The following TMEM161A variants were observed in gnomAD, a reference collection of about 807,000 sequenced individuals.
TMEM161A encodes transmembrane protein 161A.
A neutral mutation model predicts 57.1 loss-of-function variants in TMEM161A; 46 were observed. The ratio of observed to expected loss-of-function variants is 0.81; its 90% CI spans 0.64 to 1.03. TMEM161A has a LOEUF of 1.03. Ranked by LOEUF, TMEM161A falls within the 50% of genes least tolerant of loss-of-function variation. The pLI is 0.00. For synonymous variants in TMEM161A, 288 were observed against 279.0 expected, an observed-to-expected ratio of 1.03 and a Z score of -0.32; for missense variants, 601 against 621.5, an observed-to-expected ratio of 0.97 and a Z score of 0.35.
intron 1 of TMEM161A, among the ~76,000 whole-genome samples, chr19:19,138,107 T>C (rs927333060): frequency 1.3e-5 from 2 of 152,178 alleles, no homozygotes; most frequent in Non-Finnish European, 2.9e-5. Context: ...CCAAATGTGC[T>C]GGGGTCCCCA....
chr19:19,121,564 CG>C lies in TMEM161A; in HGVS notation c.760del (p.Arg254GlyfsTer4). On this transcript the variant is annotated frameshift_variant, in exon 8 of 12. Coordinates refer to ENST00000162044, the MANE Select transcript of TMEM161A (RefSeq NM_017814.3). LOFTEE classifies it high-confidence loss of function. This position sits in a 1 kb window ranked among gnomAD's most constrained non-coding sequence, Gnocchi z 5.8. ...GTCCTCCGACATGGTCAGTGCGTCCCGGTGGGTCTGGGCCAGCCGCAGGCCT... is the reference window on the plus strand; with the variant it reads ...GTCCTCCGACATGGTCAGTGCGTCCCGTGGGTCTGGGCCAGCCGCAGGCCT... ...FPGLRLAQTH[R>X]DALTMSEDRP... 1 of 1,613,896 alleles carries C rather than the reference CG, an allele frequency of 6.2e-7. No individual in the cohort carries two copies. The highest frequency in any genetic ancestry group is 8.5e-7 in the Non-Finnish European group (1 of 1,179,952).
chr19:19,121,779 C>G lies in TMEM161A; in HGVS notation c.636G>C (p.Lys212Asn), dbSNP rs765679784. The change falls in exon 7 of 12, where the codon AAG becomes AAC. Residue 212 changes from lysine to asparagine, a missense_variant. Coordinates refer to ENST00000162044, the MANE Select transcript of TMEM161A (RefSeq NM_017814.3). The surrounding 1 kb of genome is among the most constrained non-coding windows in gnomAD (Gnocchi z 5.8). ...SMTQNLEPLL[K>N]KQGWDWALPV... ...CTCACGCCCAGTCCCAGCCCTGCTTCTTCAGAAGTGGCTCTAAGTTCTGGG... is the reference window on the plus strand; with the variant it reads ...CTCACGCCCAGTCCCAGCCCTGCTTGTTCAGAAGTGGCTCTAAGTTCTGGG... 3 of 1,614,046 alleles carry G rather than the reference C, an allele frequency of 1.9e-6. No individual in the cohort carries two copies. The East Asian group carries it at 6.7e-5, about 36-fold the overall frequency.
intron 6 of TMEM161A, among the ~76,000 whole-genome samples, chr19:19,127,346 G>C (rs1470159918): frequency 1.5e-5 from 2 of 130,130 alleles, no homozygotes; most frequent in Non-Finnish European, 3.1e-5. Flanking sequence ...TTGAGATGGA[G>C]TCTTGCTCTT....
intron 6 of TMEM161A, among the ~76,000 whole-genome samples, chr19:19,126,981 A>C (rs60794167): frequency 7.2e-6 from 1 of 139,436 alleles, no homozygotes; most frequent in South Asian, 2.4e-4. Context: ...CGGGAGGCAA[A>C]GGTTGCAGTG....
At chr19:19,134,680 C>CCCACCAA (rs1253122209) in intron 2 of TMEM161A, 104 bp downstream of exon 2, 1 of 788,694 alleles carries the variant, frequency 1.3e-6, no homozygotes, top group East Asian at 2.7e-5. Flanking sequence ...CCCCCCACCA[C>CCCACCAA]CCACCAACCA....
intron 5 of TMEM161A, among the ~76,000 whole-genome samples, chr19:19,131,461 T>C (rs2059957741): frequency 6.7e-6 from 1 of 150,262 alleles, no homozygotes. Context: ...CAACAACAAA[T>C]ATATATACAT....
Position 19,120,175 on chromosome 19 carries a change from A to T in TMEM161A, c.1195T>A (p.Ser399Thr). The T allele has an allele frequency of 6.5e-7, 1 of 1,550,210 alleles. No homozygotes were observed. Among genetic ancestry groups the T allele is most frequent in the Non-Finnish European group, 8.7e-7 (1 of 1,145,398 alleles). ...TLLLKTLGGY[S>T]WGLGPAPLLS... ...AGAGGAGCTGGGCCCAGGCCCCAGG[A>T]ATAGCCTCCTAGGAGAAGAGGATGA... is the stretch of plus-strand genomic sequence containing the variant. Residue 399 changes from serine to threonine, a missense_variant, in exon 12 of 12, where the codon TCC (serine) becomes ACC (threonine). Transcript: ENST00000162044.
rs1442989985 is a variant in TMEM161A, at chr19:19,138,293, G to C, written c.3+133C>G. On this transcript the variant is annotated intron_variant, in intron 1 of 11. Transcript: ENST00000162044. ...CCCAGAGAGGGACACACGGCCTTCA[G>C]CGTGCCCCCGAATCCCTCAGAGCCT... 3.0e-6 allele frequency: 4 copies of C among 1,326,940 alleles called. No homozygotes were observed. The South Asian group carries it at 5.1e-5, about 17-fold the overall frequency. The allele number at this position is 1,326,940 out of a possible 1,614,324, so 82.2% of individuals were successfully genotyped here.
chr19:19,130,114 G>A, intron 6 of TMEM161A, 42 bp downstream of exon 6: 1 of 1,607,042 alleles, frequency 6.2e-7, no homozygotes. Flanking sequence ...TTACATGAGG[G>A]AGTGACAGCT....
At position 19,133,132 on chromosome 19, in the gene TMEM161A, C is replaced by T; in HGVS notation, c.186G>A (p.Glu62=). Residue 62 remains glutamate (E), a splice_region_variant and synonymous_variant, in exon 3 of 12, where the codon GAG becomes GAA. Transcript: ENST00000162044. Reference sequence around the variant, plus strand: ...GGGCTGGGGCCCAGGTCACTCACCGCTCTTTCCTGCCTCTGGGCCTCGGCT... The same window carrying T: ...GGGCTGGGGCCCAGGTCACTCACCGTTCTTTCCTGCCTCTGGGCCTCGGCT... ...AGKPRPRGRK[E]RWANGLSEEK... is the part of the protein sequence containing the mutation. 6.2e-7 allele frequency: 1 copy of T among 1,613,906 alleles called. No homozygotes were observed. The highest frequency in any genetic ancestry group is 1.3e-5 in the African/African-American group (1 of 75,064).
intron 6 of TMEM161A, among the ~76,000 whole-genome samples, chr19:19,129,195 C>T (rs984051806): frequency 2.6e-5 from 4 of 152,164 alleles, no homozygotes; most frequent in African/African-American, 9.7e-5. Flanking sequence ...CACTACCCCA[C>T]CTACTTATTA....
At position 19,119,785 on chromosome 19, in the gene TMEM161A, C is replaced by T. The variant is rs1477328486; in HGVS notation, c.*145G>A. 5 of 1,058,588 alleles carry T rather than the reference C, an allele frequency of 4.7e-6. No homozygotes were observed. The highest frequency in any genetic ancestry group is 2.8e-5 in the Admixed American group (1 of 35,674). 65.6% of individuals were successfully genotyped at this position (1,058,588 alleles called of 1,614,324 possible). A position where few individuals can be genotyped will look rare whatever the true frequency, so the allele number is the denominator to read the frequency against. On this transcript the variant is annotated 3_prime_UTR_variant, in exon 12 of 12. Coordinates refer to ENST00000162044, the MANE Select transcript of TMEM161A (RefSeq NM_017814.3). ...GAAACTCGGCGTCCAAGGGGGGCCG[C>T]GGGTCAGGCACTGTGGTGAAGGGAA...
intron 6 of TMEM161A, among the ~76,000 whole-genome samples, chr19:19,122,800 A>C (rs1054143253): frequency 6.6e-6 from 1 of 151,204 alleles, no homozygotes; most frequent in Non-Finnish European, 1.5e-5. Context: ...AATTCATATG[A>C]GCTCACAGGC....
In TMEM161A at chr19:19,132,617, G is replaced by A; in HGVS notation, c.286+40C>T. ...CCATGAGGGTGTGGAGACCTTCAGG[G>A]CTGAGGGAGTAGAGTTTAGGGATGG... On this transcript the variant is annotated intron_variant, in intron 4 of 11. Coordinates refer to ENST00000162044, the MANE Select transcript of TMEM161A (RefSeq NM_017814.3). The surrounding 1 kb of genome is among the most constrained non-coding windows in gnomAD (Gnocchi z 4.3). 1 of 1,558,922 alleles carries A rather than the reference G, an allele frequency of 6.4e-7. No individual in the cohort carries two copies. The highest frequency in any genetic ancestry group is 8.7e-7 in the Non-Finnish European group (1 of 1,150,984).
chr19:19,127,966 C>T (rs939270166), intron 6 of TMEM161A, among the ~76,000 whole-genome samples: 1 of 151,922 alleles, frequency 6.6e-6, no homozygotes, highest in Non-Finnish European at 1.5e-5. Flanking sequence ...ATTCTAACAC[C>T]TGCTACAACA....
Position 19,127,631 on chromosome 19 carries a change from CTT to C in TMEM161A, c.595+2523_595+2524del, listed in dbSNP as rs780434763. 2.4e-4 allele frequency among the ~76,000 whole-genome samples: 37 copies of C among 152,074 alleles called. No homozygotes were observed. The South Asian group carries it at 5.0e-3, about 20-fold the overall frequency. ...GCCACCGTGCCTGGCAGTGTTCAGT[CTT>C]AAAAATGGAATTCTGGCTGGGCCCA... On this transcript the variant is annotated intron_variant, in intron 6 of 11. Coordinates refer to ENST00000162044, the MANE Select transcript of TMEM161A (RefSeq NM_017814.3).
rs1426655389 is a variant in TMEM161A at position 19,120,050 on chromosome 19, GC to G, written c.1319del (p.Gly440AlafsTer50). 1 of 1,600,568 alleles carries G rather than the reference GC, an allele frequency of 6.2e-7. No individual in the cohort carries two copies. Among genetic ancestry groups the G allele is most frequent in the Admixed American group, 1.7e-5 (1 of 58,074 alleles). On this transcript the variant is annotated frameshift_variant, in exon 12 of 12. Coordinates refer to ENST00000162044, the MANE Select transcript of TMEM161A (RefSeq NM_017814.3). LOFTEE classifies it high-confidence loss of function. ...CACGGAGGAAGAGGGGAGTAAGCAG[GC>G]CACCCAGAGCCCCGGCAATCCGCGC... ...TAARIAGALG[G>X]LLTPLFLRGV...
chr19:19,134,938 C>A lies in TMEM161A; in HGVS notation c.4-51G>T, dbSNP rs751297988. The stretch of plus-strand genomic sequence containing the variant: ...GCACCTGCCAGAGGGTCACAAGTTC[C>A]CTCCCTCCCTAGGAACCCAGGCTAT... On this transcript the variant is annotated intron_variant, in intron 1 of 11. Coordinates refer to ENST00000162044, the MANE Select transcript of TMEM161A (RefSeq NM_017814.3). The A allele has an allele frequency of 9.1e-6, 12 of 1,320,280 alleles. No individual in the cohort carries two copies. In the Admixed American group the frequency reaches 2.4e-4, roughly 27 times the overall value. The allele number at this position is 1,320,280 out of a possible 1,614,324, so 81.8% of individuals were successfully genotyped here.
At chr19:19,122,118 C>T (rs1041447672) in intron 6 of TMEM161A, among the ~76,000 whole-genome samples, 9 of 151,994 alleles carry the variant, frequency 5.9e-5, no homozygotes, top group African/African-American at 2.2e-4. Context: ...TGCAGTGAAA[C>T]CCCCGTCTCT....
Sources: gnomAD v4.1 joint callset for allele counts (sites outside exome capture counted in the v4.1 genomes callset) on GRCh38, gnomAD v4.1.1 for gene constraint, Gnocchi (gnomAD v3.1) non-coding constraint, MANE v1.5 for transcripts, NCBI Gene and HGNC (gene_info 2026-07-23, HGNC 2026-07-21) for gene names.